NFATC1: variants seen among roughly 807,000 people sequenced by gnomAD.
The protein encoded by NFATC1 is nuclear factor of activated T-cells, cytoplasmic 1.
Under a neutral mutation model 76.0 loss-of-function variants are expected in NFATC1, and 22 were observed. The observed-to-expected ratio is 0.29, with a 90% confidence interval of 0.21 to 0.41. The LOEUF is 0.41. NFATC1 is among the 10% of genes least tolerant of loss of function. NFATC1 has a pLI of 1.00. For missense variants in NFATC1, 1,357 were observed against 1,337.7 expected (o/e 1.01, Z -0.23); for synonymous variants, 704 against 613.1 (o/e 1.15, Z -2.19).
At chr18:79,510,847 TCTGCCGGGGCA>T (rs2090228781) in intron 9 of NFATC1, among the ~76,000 whole-genome samples, 1 of 150,646 alleles carries the variant, frequency 6.6e-6, no homozygotes, top group Non-Finnish European at 1.5e-5. Flanking sequence ...CGGGGCATCC[TCTGCCGGGGCA>T]TCCTCTGCCG....
intron 1 of NFATC1, among the ~76,000 whole-genome samples, chr18:79,405,966 C>T (rs947761625): frequency 1.6e-4 from 24 of 152,148 alleles, no homozygotes; most frequent in South Asian, 1.0e-3. Flanking sequence ...TCAAGGGCTA[C>T]GGCCCCTGAG....
intron 3 of NFATC1, among the ~76,000 whole-genome samples, chr18:79,439,167 T>G (rs1055268456): frequency 2.0e-5 from 3 of 152,142 alleles, no homozygotes; most frequent in African/African-American, 7.2e-5. Flanking sequence ...ATCCACGCTT[T>G]CTTAAGTGGT....
intron 9 of NFATC1, among the ~76,000 whole-genome samples, chr18:79,517,458 C>G (rs185885853): frequency 1.0e-3 from 153 of 152,286 alleles, no homozygotes; most frequent in Non-Finnish European, 1.3e-3. Flanking sequence ...TTTAATTACG[C>G]TGTGTCCAGT....
chr18:79,410,635 C>T lies in NFATC1; in HGVS notation c.360C>T (p.Ile120=), dbSNP rs780043422. 7.4e-6 allele frequency: 12 copies of T among 1,613,122 alleles called. No homozygotes were observed. In the Admixed American group the frequency reaches 1.3e-4, roughly 18 times the overall value. Residue 120 remains isoleucine (I), a synonymous_variant, in exon 2 of 10, where the codon ATC becomes ATT. Coordinates refer to ENST00000427363, the MANE Select transcript of NFATC1 (RefSeq NM_001278669.2). This position sits in a 1 kb window ranked among gnomAD's most constrained non-coding sequence, Gnocchi z 6.7. ...CCCCTGCCCTGGAGAGTCCTCGCAT[C>T]GAGATAACCTCGTGCTTGGGCCTGT... ...DGAPALESPR[I]EITSCLGLYH...
chr18:79,401,286 G>A (rs1292455803), intron 1 of NFATC1, among the ~76,000 whole-genome samples: 3 of 152,172 alleles, frequency 2.0e-5, no homozygotes, highest in Non-Finnish European at 4.4e-5. Flanking sequence ...AGCCGGAGGA[G>A]CTTGGCAAGC....
intron 3 of NFATC1, among the ~76,000 whole-genome samples, chr18:79,447,008 G>A (rs2087235293): frequency 6.6e-6 from 1 of 152,346 alleles, no homozygotes; most frequent in South Asian, 2.1e-4. Context: ...TGGGCCTCAC[G>A]GTCAGGCCCT....
At chr18:79,457,371 C>T (rs560027480) in intron 6 of NFATC1, among the ~76,000 whole-genome samples, 7 of 152,230 alleles carry the variant, frequency 4.6e-5, no homozygotes, top group South Asian at 4.1e-4. Flanking sequence ...GCGCTAGGGG[C>T]GACTCTCAGA....
chr18:79,410,399 C>T lies in NFATC1; in HGVS notation c.128-4C>T. The T allele has an allele frequency of 1.2e-6, 2 of 1,604,008 alleles. No individual in the cohort carries two copies. Among genetic ancestry groups the T allele is most frequent in the South Asian group, 2.2e-5 (2 of 89,696 alleles). On this transcript the variant is annotated splice_region_variant and splice_polypyrimidine_tract_variant and intron_variant, in intron 1 of 9. Transcript: ENST00000427363. The surrounding 1 kb of genome is among the most constrained non-coding windows in gnomAD (Gnocchi z 6.7). ...TGCTCCCATCTGCTTCTTTTTCTCTCTAGAACACTATGGCTATGCATCCTC... is the reference window on the plus strand; with the variant it reads ...TGCTCCCATCTGCTTCTTTTTCTCTTTAGAACACTATGGCTATGCATCCTC...
At chr18:79,398,267 C>G (rs571411843) in intron 1 of NFATC1, among the ~76,000 whole-genome samples, 2 of 152,352 alleles carry the variant, frequency 1.3e-5, no homozygotes, top group African/African-American at 4.8e-5. Context: ...CAATGCCCCA[C>G]GGGCTGGGGC....
At chr18:79,521,610 GTC>G (rs1165624304) in intron 9 of NFATC1, among the ~76,000 whole-genome samples, 1 of 47,666 alleles carries the variant, frequency 2.1e-5, no homozygotes, top group African/African-American at 9.6e-5. Flanking sequence ...TGATGTGTAT[GTC>G]TGTGTGTGTG....
At position 79,501,323 on chromosome 18, in the gene NFATC1, A is replaced by T. The variant is rs142909590; in HGVS notation, c.2782+14386A>T. On this transcript the variant is annotated intron_variant, in intron 9 of 9. Coordinates refer to ENST00000427363, the MANE Select transcript of NFATC1 (RefSeq NM_001278669.2). The stretch of plus-strand genomic sequence containing the variant: ...CTTGACAAACTTAGAACACAAGGGA[A>T]CTTCTTAACCTGATCAAAGTCATAC... Among the ~76,000 whole-genome samples the T allele has an allele frequency of 8.2e-3, 1,250 of 152,316 alleles. 12 individuals carry two copies. Among genetic ancestry groups the T allele is most frequent in the Non-Finnish European group, 0.013 (898 of 68,016 alleles).
intron 9 of NFATC1, chr18:79,497,329 CA>C (rs1600930248): frequency 6.6e-6 from 1 of 152,062 alleles, no homozygotes; most frequent in African/African-American, 2.4e-5. Flanking sequence ...AGAGCGGCCC[CA>C]GGGGGAAGAA....
chr18:79,501,604 C>G (rs1352559961), intron 9 of NFATC1, among the ~76,000 whole-genome samples: 1 of 86,802 alleles, frequency 1.2e-5, no homozygotes, highest in Non-Finnish European at 2.2e-5. Context: ...CTGCCTACAC[C>G]CCACCCCCCC....
chr18:79,472,067 T>C (rs9958921), intron 8 of NFATC1, among the ~76,000 whole-genome samples: 102 of 152,242 alleles, frequency 6.7e-4, no homozygotes, highest in African/African-American at 2.3e-3. Flanking sequence ...CGGAGAGGTG[T>C]TGGTACAGAG....
intron 9 of NFATC1, among the ~76,000 whole-genome samples, chr18:79,502,797 G>T (rs2090041709): frequency 6.6e-6 from 1 of 152,210 alleles, no homozygotes; most frequent in South Asian, 2.1e-4. Context: ...CCATTCAAGT[G>T]GCTTTAGGAG....
chr18:79,465,146 T>G lies in NFATC1; in HGVS notation c.1960-2304T>G, dbSNP rs535421261. 3.9e-5 allele frequency among the ~76,000 whole-genome samples: 6 copies of G among 152,336 alleles called. No individual in the cohort carries two copies. Among genetic ancestry groups the G allele is most frequent in the African/African-American group, 1.4e-4 (6 of 41,570 alleles). Reference sequence around the variant, plus strand: ...GGTGCCATTTGGAACCCGTATTTTTTCCGGTACAGACGAGTTTCCCTCTCC... The same window carrying G: ...GGTGCCATTTGGAACCCGTATTTTTGCCGGTACAGACGAGTTTCCCTCTCC... On this transcript the variant is annotated intron_variant, in intron 7 of 9. Transcript: ENST00000427363. This position sits in a 1 kb window ranked among gnomAD's most constrained non-coding sequence, Gnocchi z 4.2.
chr18:79,514,391 A>G (rs1048340809), intron 9 of NFATC1, among the ~76,000 whole-genome samples: 1 of 151,816 alleles, frequency 6.6e-6, no homozygotes, highest in Non-Finnish European at 1.5e-5. Flanking sequence ...CTTGGGCAAC[A>G]TGGTGAAATC....
chr18:79,437,583 G>C (rs1335271671), intron 3 of NFATC1, among the ~76,000 whole-genome samples: 2 of 152,256 alleles, frequency 1.3e-5, no homozygotes, highest in African/African-American at 2.4e-5. Flanking sequence ...AGGCATGAAA[G>C]TGATGCGTGG....
intron 3 of NFATC1, among the ~76,000 whole-genome samples, chr18:79,447,652 G>C (rs1030590745): frequency 6.6e-6 from 1 of 152,216 alleles, no homozygotes; most frequent in Non-Finnish European, 1.5e-5. Flanking sequence ...GAGGGGCCCT[G>C]TGGGAGGCCC....
Sources: gnomAD v4.1 joint callset for allele counts (sites outside exome capture counted in the v4.1 genomes callset) on GRCh38, gnomAD v4.1.1 for gene constraint, Gnocchi (gnomAD v3.1) non-coding constraint, MANE v1.5 for transcripts, NCBI Gene and HGNC (gene_info 2026-07-23, HGNC 2026-07-21) for gene names.